PRKDC: variants seen among roughly 807,000 people sequenced by gnomAD.
PRKDC encodes DNA-dependent protein kinase catalytic subunit.
Under a neutral mutation model 486.9 loss-of-function variants are expected in PRKDC, and 82 were observed. That is an observed-to-expected ratio of 0.17 (90% CI 0.14 to 0.20). PRKDC has a LOEUF of 0.20. PRKDC is among the 10% of genes least tolerant of loss of function. The pLI is 1.00. For synonymous variants in PRKDC, 1,895 were observed against 1,837.0 expected, an observed-to-expected ratio of 1.03 and a Z score of -0.81; for missense variants, 4,504 against 5,038.2, an observed-to-expected ratio of 0.89 and a Z score of 3.21.
At position 47,866,156 on chromosome 8, in the gene PRKDC, CAAAAAAAAAA is replaced by C. The variant is rs766279016; in HGVS notation, c.5364-1403_5364-1394del. Among the ~76,000 whole-genome samples the C allele has an allele frequency of 7.6e-5, 4 of 52,310 alleles. 1 individual carries two copies. The highest frequency in any genetic ancestry group is 1.7e-4 in the Non-Finnish European group (4 of 23,260). The allele number at this position is 52,310 out of a possible 152,430, so 34.3% of individuals were successfully genotyped here. A position where few individuals can be genotyped will look rare whatever the true frequency, so the allele number is the denominator to read the frequency against. Reference sequence around the variant, plus strand: ...GGGCAACAATAGAGAAACTCCGTCGCAAAAAAAAAAAAAAAAAAAAAAAGAGGCCCTAGAG... The same window carrying C: ...GGGCAACAATAGAGAAACTCCGTCGCAAAAAAAAAAAAAGAGGCCCTAGAG... On this transcript the variant is annotated intron_variant, in intron 40 of 85. Coordinates refer to ENST00000314191, the MANE Select transcript of PRKDC (RefSeq NM_006904.7).
intron 35 of PRKDC, 33 bp downstream of exon 35, chr8:47,887,514 G>C: frequency 6.6e-7 from 1 of 1,516,238 alleles, no homozygotes; most frequent in Non-Finnish European, 8.8e-7. Context: ...TCTATTATTA[G>C]GGGAGTGCAG....
chr8:47,779,905 GTTTT>G (rs2086670014), intron 80 of PRKDC, among the ~76,000 whole-genome samples: 1 of 116,476 alleles, frequency 8.6e-6, no homozygotes, highest in East Asian at 2.8e-4. Flanking sequence ...CTTTTGTTTT[GTTTT>G]GTCTTTTTTT....
intron 30 of PRKDC, among the ~76,000 whole-genome samples, chr8:47,894,522 A>C (rs1282663940): frequency 6.6e-6 from 1 of 152,232 alleles, no homozygotes; most frequent in Non-Finnish European, 1.5e-5. Flanking sequence ...AGACGCAGAC[A>C]AGCACGCTTG....
chr8:47,949,170 A>G (rs1478829111), intron 7 of PRKDC, among the ~76,000 whole-genome samples: 1 of 152,058 alleles, frequency 6.6e-6, no homozygotes, highest in Non-Finnish European at 1.5e-5. Flanking sequence ...CCTCTTCCAC[A>G]TTTAAGGACC....
At position 47,776,992 on chromosome 8, in the gene PRKDC, A is replaced by C. The variant is rs2086620275; in HGVS notation, c.12043-9T>G. ...ATTTTCTGTTCAAAATTCTAGAAGAAAAGAACATGATTTTCCCGGCTGATC... is the reference window on the plus strand; with the variant it reads ...ATTTTCTGTTCAAAATTCTAGAAGACAAGAACATGATTTTCCCGGCTGATC... On this transcript the variant is annotated splice_polypyrimidine_tract_variant and intron_variant, in intron 84 of 85. Coordinates refer to ENST00000314191, the MANE Select transcript of PRKDC (RefSeq NM_006904.7). 1 of 1,607,316 alleles carries C rather than the reference A, an allele frequency of 6.2e-7. No individual in the cohort carries two copies. The highest frequency in any genetic ancestry group is 8.5e-7 in the Non-Finnish European group (1 of 1,178,124).
At chr8:47,839,126 C>G in intron 56 of PRKDC, 22 bp downstream of exon 56, 1 of 1,569,244 alleles carries the variant, frequency 6.4e-7, no homozygotes, top group Non-Finnish European at 8.8e-7. Context: ...ATTTAATTGT[C>G]CCAGCCCAGT....
chr8:47,945,221 G>A (rs1375393071), intron 7 of PRKDC, among the ~76,000 whole-genome samples: 1 of 152,196 alleles, frequency 6.6e-6, no homozygotes, highest in Non-Finnish European at 1.5e-5. Context: ...ACTCCCTGTA[G>A]AAGCATGGTC....
chr8:47,879,486 C>A lies in PRKDC; in HGVS notation c.5235+5G>T. 1 of 1,556,686 alleles carries A rather than the reference C, an allele frequency of 6.4e-7. No homozygotes were observed. Among genetic ancestry groups the A allele is most frequent in the Non-Finnish European group, 8.7e-7 (1 of 1,149,560 alleles). ...TAATTTTACTTGATACTACTAGAAACTAACCTTTTTCATGCAGTCCACATA... is the reference window on the plus strand; with the variant it reads ...TAATTTTACTTGATACTACTAGAAAATAACCTTTTTCATGCAGTCCACATA... On this transcript the variant is annotated splice_donor_5th_base_variant and intron_variant, in intron 39 of 85. Coordinates refer to ENST00000314191, the MANE Select transcript of PRKDC (RefSeq NM_006904.7).
chr8:47,795,690 G>C (rs957456352), intron 73 of PRKDC, among the ~76,000 whole-genome samples: 22 of 150,060 alleles, frequency 1.5e-4, no homozygotes, highest in Non-Finnish European at 3.0e-4. Flanking sequence ...GACAAGTTTC[G>C]CCACGTTGGC....
chr8:47,948,220 T>A (rs573249765), intron 7 of PRKDC, among the ~76,000 whole-genome samples: 1 of 151,952 alleles, frequency 6.6e-6, no homozygotes, highest in Non-Finnish European at 1.5e-5. Context: ...CTCGGGTCAC[T>A]GCAGCCTCTG....
intron 7 of PRKDC, among the ~76,000 whole-genome samples, chr8:47,951,705 C>A (rs1162860403): frequency 7.0e-6 from 1 of 143,414 alleles, no homozygotes; most frequent in Non-Finnish European, 1.5e-5. Flanking sequence ...CAGAGCAAGA[C>A]CCTGTCTCCA....
chr8:47,904,973 T>A lies in PRKDC; in HGVS notation c.2938A>T (p.Thr980Ser). 1 of 1,606,112 alleles carries A rather than the reference T, an allele frequency of 6.2e-7. No individual in the cohort carries two copies. Among genetic ancestry groups the A allele is most frequent in the African/African-American group, 1.3e-5 (1 of 74,828 alleles). The change falls in exon 26 of 86, where the codon ACA becomes TCA. Residue 980 changes from threonine (T) to serine (S), a missense_variant. Around this residue, in one of 6 missense-constraint regions of PRKDC, gnomAD observed 1,969 missense variants for 2,068.9 expected, o/e 0.95. Coordinates refer to ENST00000314191, the MANE Select transcript of PRKDC (RefSeq NM_006904.7). ...ACTAGTGGCTCATACAGTTGCCTTG[T>A]CACCTGAAGAAACAATACCATTAAA... is the stretch of plus-strand genomic sequence containing the variant. ...LRLACDVDQV[T>S]RQLYEPLVMQ... is the part of the protein sequence containing the mutation.
chr8:47,774,823 T>G (rs2086575605), intron 85 of PRKDC, among the ~76,000 whole-genome samples: 6 of 152,116 alleles, frequency 3.9e-5, no homozygotes, highest in Admixed American at 3.9e-4. Context: ...AGACAGGGTC[T>G]TGCTATGTTG....
chr8:47,828,098 G>A (rs764830655), intron 62 of PRKDC, 70 bp downstream of exon 62: 10 of 1,441,898 alleles, frequency 6.9e-6, no homozygotes, highest in Non-Finnish European at 7.6e-6. Context: ...GGGAAACATA[G>A]TGATGATGGA....
In PRKDC at chr8:47,939,597, T is replaced by A; in HGVS notation, c.1067A>T (p.Asn356Ile). ...YGIIRNVDSN[N>I]KELSIAIRGY... ...ACGGATAGCAATAGATAACTCCTTGTTGTTCGAATCCACATTTCTGATGAT... is the reference window on the plus strand; with the variant it reads ...ACGGATAGCAATAGATAACTCCTTGATGTTCGAATCCACATTTCTGATGAT... The change falls in exon 11 of 86, where the codon AAC becomes ATC. Residue 356 changes from asparagine to isoleucine, a missense_variant. By Grantham distance (149) the Asn-to-Ile change is moderately radical. Coordinates refer to ENST00000314191, the MANE Select transcript of PRKDC (RefSeq NM_006904.7). 1 of 1,613,790 alleles carries A rather than the reference T, an allele frequency of 6.2e-7. No homozygotes were observed. The highest frequency in any genetic ancestry group is 8.5e-7 in the Non-Finnish European group (1 of 1,179,702).
intron 76 of PRKDC, among the ~76,000 whole-genome samples, chr8:47,787,896 A>T (rs2086816908): frequency 6.6e-6 from 1 of 152,204 alleles, no homozygotes; most frequent in African/African-American, 2.4e-5. Context: ...CTCTGTGAAT[A>T]TATGTAAAAC....
At chr8:47,888,495 TA>T in intron 34 of PRKDC, 22 bp downstream of exon 34, 1 of 1,481,022 alleles carries the variant, frequency 6.8e-7, no homozygotes, top group Non-Finnish European at 9.0e-7. Flanking sequence ...AAAATAAATG[TA>T]AAAACAATAA....
At chr8:47,863,602 T>C in intron 41 of PRKDC, 25 bp from the exon 42 acceptor site, 1 of 1,552,044 alleles carries the variant, frequency 6.4e-7, no homozygotes, top group South Asian at 1.1e-5. Context: ...AAAATAATTA[T>C]CTTTGGTCTT....
intron 69 of PRKDC, among the ~76,000 whole-genome samples, chr8:47,806,586 T>C (rs901974463): frequency 6.6e-6 from 1 of 152,244 alleles, no homozygotes; most frequent in Non-Finnish European, 1.5e-5. Flanking sequence ...TTCTGTAGTA[T>C]GTTTAAAGAT....
Sources: gnomAD v4.1 joint callset for allele counts (sites outside exome capture counted in the v4.1 genomes callset) on GRCh38, gnomAD v4.1.1 for gene constraint, gnomAD v4.1.1 regional missense constraint, MANE v1.5 for transcripts, NCBI Gene and HGNC (gene_info 2026-07-23, HGNC 2026-07-21) for gene names.